GPAA1: variants seen among roughly 807,000 people sequenced by gnomAD.
GPAA1 encodes GPI-anchor transamidase component GPAA1.
A neutral mutation model predicts 64.0 loss-of-function variants in GPAA1; 54 were observed. The observed-to-expected ratio is 0.84, with a 90% CI of 0.68 to 1.06. The LOEUF is 1.06. GPAA1 is among the 50% of genes least tolerant of loss of function. GPAA1 has a pLI of 0.00. For synonymous variants in GPAA1, 393 were observed against 377.3 expected, an observed-to-expected ratio of 1.04 and a Z score of -0.48; for missense variants, 780 against 822.3, an observed-to-expected ratio of 0.95 and a Z score of 0.63.
At position 144,084,523 on chromosome 8, in the gene GPAA1, C is replaced by G; in HGVS notation, c.924C>G (p.Leu308=). The change falls in exon 7 of 12, where the codon CTC becomes CTG. Residue 308 remains leucine, a synonymous_variant. Transcript: ENST00000355091. ...ASGRPHGSHG[L]FLRYRVEALT... Reference sequence around the variant, plus strand: ...GCCGCCCCCACGGCTCCCATGGCCTCTTCCTGCGCTACCGTGTGGAGGCCC... The same window carrying G: ...GCCGCCCCCACGGCTCCCATGGCCTGTTCCTGCGCTACCGTGTGGAGGCCC... The G allele has an allele frequency of 6.2e-7, 1 of 1,613,822 alleles. No individual in the cohort carries two copies. The highest frequency in any genetic ancestry group is 8.5e-7 in the Non-Finnish European group (1 of 1,180,010).
chr8:144,083,166 G>T lies in GPAA1; in HGVS notation c.117G>T (p.Leu39=), dbSNP rs1554763759. Residue 39 remains leucine, a synonymous_variant, in exon 2 of 12, where the codon CTG becomes CTT. Coordinates refer to ENST00000355091, the MANE Select transcript of GPAA1 (RefSeq NM_003801.4). ...CGGGCATCGCCTGGTTCTTGGCGCT[G>T]GTTTTCCCGCCGCTGACCCAGCGCA... ...YVAGIAWFLA[L]VFPPLTQRTY... The T allele has an allele frequency of 3.1e-6, 5 of 1,612,750 alleles. No individual in the cohort carries two copies. In the South Asian group the frequency reaches 5.5e-5, roughly 18 times the overall value.
rs541724189 is a variant in GPAA1, at chr8:144,084,168, G to A, written c.651G>A (p.Gly217=). ...CGTCTCCCCTGCAGGGCCGAGCTGG[G>A]GCCATTCAGGCAGCCGTGGCCCTGG... ...MQSSPLQGRA[G]AIQAAVALEL... Residue 217 remains glycine, a synonymous_variant, in exon 6 of 12, where the codon GGG becomes GGA. Coordinates refer to ENST00000355091, the MANE Select transcript of GPAA1 (RefSeq NM_003801.4). 24 of 1,613,396 alleles carry A rather than the reference G, an allele frequency of 1.5e-5. No individual in the cohort carries two copies. The South Asian group carries it at 2.5e-4, about 17-fold the overall frequency.
Position 144,082,822 on chromosome 8 carries a change from G to C in GPAA1, c.74+18G>C. On this transcript the variant is annotated intron_variant, in intron 1 of 11. Transcript: ENST00000355091. Reference sequence around the variant, plus strand: ...CCGTTGTGGTGAGGACAGGGCCCGGGGAGGCGGGGACCCGAGGGCCCTGGG... The same window carrying C: ...CCGTTGTGGTGAGGACAGGGCCCGGCGAGGCGGGGACCCGAGGGCCCTGGG... 1 of 1,403,704 alleles carries C rather than the reference G, an allele frequency of 7.1e-7. No individual in the cohort carries two copies. Among genetic ancestry groups the C allele is most frequent in the East Asian group, 3.0e-5 (1 of 33,022 alleles). The allele number at this position is 1,403,704 out of a possible 1,614,324, so 87.0% of individuals were successfully genotyped here.
Position 144,083,163 on chromosome 8 carries a change from G to C in GPAA1, c.114G>C (p.Ala38=), listed in dbSNP as rs781842104. 2 of 1,612,640 alleles carry C rather than the reference G, an allele frequency of 1.2e-6. No homozygotes were observed. The highest frequency in any genetic ancestry group is 2.7e-5 in the African/African-American group (2 of 75,058). ...SYVAGIAWFL[A]LVFPPLTQRT... ...TGGCGGGCATCGCCTGGTTCTTGGC[G>C]CTGGTTTTCCCGCCGCTGACCCAGC... The change falls in exon 2 of 12, where the codon GCG becomes GCC. Residue 38 remains alanine, a synonymous_variant. Transcript: ENST00000355091.
intron 8 of GPAA1, 39 bp from the exon 9 acceptor site, chr8:144,085,004 T>C (rs1173222546): frequency 7.0e-6 from 11 of 1,575,736 alleles, no homozygotes; most frequent in Middle Eastern, 1.7e-4. Context: ...TCTGGGCAGA[T>C]CCCGTTACAC....
At chr8:144,085,841 C>T in intron 11 of GPAA1, 41 bp from the exon 12 acceptor site, 1 of 1,600,702 alleles carries the variant, frequency 6.2e-7, no homozygotes, top group Non-Finnish European at 8.5e-7. Flanking sequence ...GTGCCCATGC[C>T]CCCACCATGG....
rs781792698 is a variant in GPAA1, at chr8:144,083,174, C to A, written c.125C>A (p.Pro42Gln). ...GCCTGGTTCTTGGCGCTGGTTTTCC[C>A]GCCGCTGACCCAGCGCACTTACATG... is the stretch of plus-strand genomic sequence containing the variant. The part of the protein sequence containing the change: ...GIAWFLALVF[P>Q]PLTQRTYMSE... The change falls in exon 2 of 12, where the codon CCG becomes CAG. Residue 42 changes from proline (P) to glutamine (Q), a missense_variant. Physicochemically the swap from Pro to Gln is moderately conservative, Grantham distance 76 (BLOSUM62 -1). Coordinates refer to ENST00000355091, the MANE Select transcript of GPAA1 (RefSeq NM_003801.4). The A allele has an allele frequency of 6.2e-7, 1 of 1,613,012 alleles. No homozygotes were observed. The highest frequency in any genetic ancestry group is 1.3e-5 in the African/African-American group (1 of 75,054).
rs1554764071 is a variant in GPAA1 at position 144,084,523 on chromosome 8, C to A, written c.924C>A (p.Leu308=). 2 of 1,613,704 alleles carry A rather than the reference C, an allele frequency of 1.2e-6. No individual in the cohort carries two copies. Residue 308 remains leucine, a synonymous_variant, in exon 7 of 12, where the codon CTC becomes CTA. Transcript: ENST00000355091. ...ASGRPHGSHG[L]FLRYRVEALT... ...GCCGCCCCCACGGCTCCCATGGCCT[C>A]TTCCTGCGCTACCGTGTGGAGGCCC...
At position 144,085,346 on chromosome 8, in the gene GPAA1, G is replaced by T; in HGVS notation, c.1318G>T (p.Ala440Ser). ...PLLISQAMGL[A>S]LYVLPVLGQH... ...GCTGATCTCACAGGCCATGGGACTG[G>T]CCCTCTATGTCCTGCCAGTGCTGGG... Residue 440 changes from alanine to serine, a missense_variant, in exon 10 of 12, where the codon GCC (alanine) becomes TCC (serine). Physicochemically the swap from Ala to Ser is moderately conservative, Grantham distance 99. Transcript: ENST00000355091. 6.2e-7 allele frequency: 1 copy of T among 1,610,154 alleles called. No homozygotes were observed.
At chr8:144,083,099 G>C (rs1835934997) in intron 1 of GPAA1, 25 bp from the exon 2 acceptor site, 2 of 1,598,724 alleles carry the variant, frequency 1.3e-6, no homozygotes, top group Non-Finnish European at 1.7e-6. Flanking sequence ...CTGACGCTCC[G>C]GTGCCCCTCC....
Position 144,085,606 on chromosome 8 carries a change from G to C in GPAA1, c.1485G>C (p.Trp495Cys). The C allele has an allele frequency of 1.2e-6, 2 of 1,613,856 alleles. No homozygotes were observed. The highest frequency in any genetic ancestry group is 1.7e-6 in the Non-Finnish European group (2 of 1,179,978). ...VVSTQAPDRG[W>C]MALKLVALIY... Reference sequence around the variant, plus strand: ...GCACACAGGCCCCAGACAGGGGCTGGATGGCACTGAAGCTGGTAGCCCTGA... The same window carrying C: ...GCACACAGGCCCCAGACAGGGGCTGCATGGCACTGAAGCTGGTAGCCCTGA... Residue 495 changes from tryptophan (W) to cysteine (C), a missense_variant, in exon 11 of 12, where the codon TGG (tryptophan) becomes TGC (cysteine). Transcript: ENST00000355091.
rs782199600 is a variant in GPAA1 at position 144,085,959 on chromosome 8, T to C, written c.1700T>C (p.Leu567Pro). 9 of 1,606,406 alleles carry C rather than the reference T, an allele frequency of 5.6e-6. No individual in the cohort carries two copies. The highest frequency in any genetic ancestry group is 2.2e-5 in the South Asian group (2 of 91,064). ...GGCAGCCTGTTCCTGTGGCGGGAGCTGCAGGAGGCGCCACTGTCACTGGCC... is the reference window on the plus strand; with the variant it reads ...GGCAGCCTGTTCCTGTGGCGGGAGCCGCAGGAGGCGCCACTGTCACTGGCC... ...LLGSLFLWRE[L>P]QEAPLSLAEG... Residue 567 changes from leucine to proline, a missense_variant, in exon 12 of 12, where the codon CTG (leucine) becomes CCG (proline). By Grantham distance (98) the Leu-to-Pro change is moderately conservative (BLOSUM62 -3). Coordinates refer to ENST00000355091, the MANE Select transcript of GPAA1 (RefSeq NM_003801.4).
rs369388320 is a variant in GPAA1, at chr8:144,083,381, G to A, written c.255-8G>A. 16 of 1,612,840 alleles carry A rather than the reference G, an allele frequency of 9.9e-6. No homozygotes were observed. Among genetic ancestry groups the A allele is most frequent in the Non-Finnish European group, 1.4e-5 (16 of 1,179,244 alleles). On this transcript the variant is annotated splice_region_variant and splice_polypyrimidine_tract_variant and intron_variant, in intron 2 of 11. Coordinates refer to ENST00000355091, the MANE Select transcript of GPAA1 (RefSeq NM_003801.4). Reference sequence around the variant, plus strand: ...AGCTCTGCTCAGAGGCTCCCTTCGTGTCTGCAGGGCTCTGCCAGTGGCCTG... The same window carrying A: ...AGCTCTGCTCAGAGGCTCCCTTCGTATCTGCAGGGCTCTGCCAGTGGCCTG...
Position 144,084,703 on chromosome 8 carries a change from C to T in GPAA1, c.1011-19C>T. 6.2e-7 allele frequency: 1 copy of T among 1,612,822 alleles called. No individual in the cohort carries two copies. The highest frequency in any genetic ancestry group is 8.5e-7 in the Non-Finnish European group (1 of 1,179,360). ...CCTGGTGGCTCTGGCCAGCCGTGAA[C>T]CTGCCCCACACCTGACAGGGCTTTG... is the stretch of plus-strand genomic sequence containing the variant. On this transcript the variant is annotated intron_variant, in intron 7 of 11. Transcript: ENST00000355091.
rs965715141 is a variant in GPAA1, at chr8:144,082,766, G to C, written c.36G>C (p.Ala12=). The C allele has an allele frequency of 2.0e-6, 3 of 1,464,482 alleles. No homozygotes were observed. Among genetic ancestry groups the C allele is most frequent in the Non-Finnish European group, 2.7e-6 (3 of 1,114,098 alleles). The allele number at this position is 1,464,482 out of a possible 1,614,324, so 90.7% of individuals were successfully genotyped here. ...GLLSDPVRRR[A]LARLVLRLNA... ...TGTCGGACCCGGTTCGCCGGCGCGC[G>C]CTCGCCCGCCTAGTGCTGCGCCTCA... The change falls in exon 1 of 12, where the codon GCG becomes GCC. Residue 12 remains alanine (A), a synonymous_variant. Transcript: ENST00000355091.
chr8:144,084,159 C>T lies in GPAA1; in HGVS notation c.642C>T (p.Gly214=), dbSNP rs1835955040. 1 of 1,613,606 alleles carries T rather than the reference C, an allele frequency of 6.2e-7. No individual in the cohort carries two copies. Among genetic ancestry groups the T allele is most frequent in the Non-Finnish European group, 8.5e-7 (1 of 1,180,000 alleles). ...GCATGCAGTCGTCTCCCCTGCAGGG[C>T]CGAGCTGGGGCCATTCAGGCAGCCG... ...VTGMQSSPLQ[G]RAGAIQAAVA... Residue 214 remains glycine (G), a synonymous_variant, in exon 6 of 12, where the codon GGC becomes GGT. Coordinates refer to ENST00000355091, the MANE Select transcript of GPAA1 (RefSeq NM_003801.4).
At position 144,085,421 on chromosome 8, in the gene GPAA1, G is replaced by A. The variant is rs1554764218; in HGVS notation, c.1393G>A (p.Val465Met). The A allele has an allele frequency of 2.1e-5, 33 of 1,605,394 alleles. No individual in the cohort carries two copies. Among genetic ancestry groups the A allele is most frequent in the Non-Finnish European group, 2.6e-5 (31 of 1,179,946 alleles). The change falls in exon 10 of 12, where the codon GTG becomes ATG. Residue 465 changes from valine to methionine, a missense_variant. Val to Met is a conservative substitution (Grantham distance 21, BLOSUM62 1). Transcript: ENST00000355091. ...HFPVAEAEAV[V>M]LTLLAIYAAG... is the part of the protein sequence containing the mutation. ...CCCAGTGGCAGAGGCTGAGGCTGTG[G>A]TGCTGACACTGCTGGCGATTTATGC...
rs1554763787 is a variant in GPAA1 at position 144,083,256 on chromosome 8, T to C, written c.207T>C (p.Arg69=). The change falls in exon 2 of 12, where the codon CGT becomes CGC. Residue 69 remains arginine (R), a synonymous_variant. Coordinates refer to ENST00000355091, the MANE Select transcript of GPAA1 (RefSeq NM_003801.4). ...MVEEQFAGGD[R]ARAFARDFAA... is the part of the protein sequence containing the mutation. ...AGGAGCAGTTTGCGGGCGGAGACCG[T>C]GCCCGGGCTTTTGCCCGGGACTTCG... 6.2e-7 allele frequency: 1 copy of C among 1,605,142 alleles called. No individual in the cohort carries two copies. The highest frequency in any genetic ancestry group is 8.5e-7 in the Non-Finnish European group (1 of 1,174,420).
At position 144,084,404 on chromosome 8, in the gene GPAA1, C is replaced by T. The variant is rs1486639442; in HGVS notation, c.814-9C>T. 6.2e-7 allele frequency: 1 copy of T among 1,611,140 alleles called. No homozygotes were observed. ...AGGGGCTGTCTCATCCTGTCCTGCA[C>T]CTCTAAAGCTGCAGCCCGAGGACTG... On this transcript the variant is annotated splice_polypyrimidine_tract_variant and intron_variant, in intron 6 of 11. Transcript: ENST00000355091.
Sources: allele counts gnomAD v4.1 joint callset, GRCh38; gene constraint gnomAD v4.1.1; transcripts MANE v1.5; gene names NCBI Gene and HGNC (gene_info 2026-07-23, HGNC 2026-07-21).